EML4: variants seen among roughly 807,000 people sequenced by gnomAD.
EML4 encodes the protein echinoderm microtubule-associated protein-like 4.
A neutral mutation model predicts 129.0 loss-of-function variants in EML4; 72 were observed. The ratio of observed to expected loss-of-function variants is 0.56; its 90% confidence interval spans 0.46 to 0.68. The LOEUF is 0.68. EML4 is among the 30% of genes least tolerant of loss of function. The pLI is 0.00. For synonymous variants in EML4, 532 were observed against 405.0 expected, an observed-to-expected ratio of 1.31 and a Z score of -3.77; for missense variants, 1,363 against 1,190.6, an observed-to-expected ratio of 1.14 and a Z score of -2.13.
chr2:42,232,178 A>G (rs1674389252), intron 1 of EML4, among the ~76,000 whole-genome samples: 1 of 152,190 alleles, frequency 6.6e-6, no homozygotes, highest in South Asian at 2.1e-4. Context: ...CTGAAATTAG[A>G]TTTCGATTTG....
chr2:42,304,391 G>C (rs1422195808), intron 16 of EML4, 93 bp from the exon 17 acceptor site: 5 of 852,386 alleles, frequency 5.9e-6, no homozygotes, highest in Non-Finnish European at 1.0e-5. Context: ...TGTTATGTTT[G>C]AATGAAACAG....
At chr2:42,313,526 T>TAA (rs543511248) in intron 17 of EML4, among the ~76,000 whole-genome samples, 2 of 146,824 alleles carry the variant, frequency 1.4e-5, no homozygotes, top group Non-Finnish European at 3.0e-5. Flanking sequence ...CACTAAGCTT[T>TAA]AAAAAAAAAA....
chr2:42,251,888 T>G (rs1051281201), intron 2 of EML4, among the ~76,000 whole-genome samples: 1 of 152,236 alleles, frequency 6.6e-6, no homozygotes, highest in Non-Finnish European at 1.5e-5. Context: ...ATATATTTGT[T>G]GCTCCCACTA....
At chr2:42,221,898 C>T (rs545760058) in intron 1 of EML4, among the ~76,000 whole-genome samples, 2 of 152,156 alleles carry the variant, frequency 1.3e-5, no homozygotes, top group South Asian at 4.2e-4. Context: ...GCCACCACTC[C>T]AAGCCTAATA....
At chr2:42,319,627 C>G (rs961627295) in intron 19 of EML4, 2 of 152,192 alleles carry the variant, frequency 1.3e-5, no homozygotes, top group African/African-American at 4.8e-5. Context: ...ACAGGCAAAA[C>G]TGGGTCAACA....
intron 1 of EML4, among the ~76,000 whole-genome samples, chr2:42,217,952 G>A (rs1673303819): frequency 6.6e-6 from 1 of 152,148 alleles, no homozygotes; most frequent in Admixed American, 6.5e-5. Flanking sequence ...ATTAATTTAT[G>A]GGTCTCAGTC....
intron 1 of EML4, among the ~76,000 whole-genome samples, chr2:42,183,519 T>A (rs1240960129): frequency 1.3e-5 from 2 of 152,188 alleles, no homozygotes; most frequent in African/African-American, 4.8e-5. Flanking sequence ...ATAGCTGTCC[T>A]AGGACTACTT....
At position 42,288,240 on chromosome 2, in the gene EML4, A is replaced by G. The variant is rs770534416; in HGVS notation, c.1136A>G (p.His379Arg). 6.8e-7 allele frequency: 1 copy of G among 1,462,896 alleles called. No individual in the cohort carries two copies. The highest frequency in any genetic ancestry group is 2.4e-5 in the East Asian group (1 of 41,688). The allele number at this position is 1,462,896 out of a possible 1,614,324, so 90.6% of individuals were successfully genotyped here. A position where few individuals can be genotyped will look rare whatever the true frequency, so the allele number is the denominator to read the frequency against. Residue 379 changes from histidine to arginine, a missense_variant, in exon 11 of 23, where the codon CAT (histidine) becomes CGT (arginine). His to Arg is a conservative substitution (Grantham distance 29). Coordinates refer to ENST00000318522, the MANE Select transcript of EML4 (RefSeq NM_019063.5). ...LDFSKADSGV[H>R]LCIIDDSNEH... The stretch of plus-strand genomic sequence containing the variant: ...ACTTTTCTTTAGGATTCAGGTGTTC[A>G]TTTATGTATTATTGATGACTCCAAT...
At chr2:42,269,390 C>G (rs1201930268) in intron 6 of EML4, among the ~76,000 whole-genome samples, 2 of 152,162 alleles carry the variant, frequency 1.3e-5, no homozygotes, top group Non-Finnish European at 1.5e-5. Context: ...TTTATACATT[C>G]ATTCATTCAT....
chr2:42,201,546 A>C (rs1280855947), intron 1 of EML4, among the ~76,000 whole-genome samples: 1 of 152,188 alleles, frequency 6.6e-6, no homozygotes, highest in Non-Finnish European at 1.5e-5. Flanking sequence ...AGATGCCTGC[A>C]CTCTCATGTT....
At chr2:42,318,643 C>A (rs573144170) in intron 19 of EML4, among the ~76,000 whole-genome samples, 2 of 152,066 alleles carry the variant, frequency 1.3e-5, no homozygotes, top group South Asian at 2.1e-4. Flanking sequence ...ATGAGATATT[C>A]CACCAAAAGA....
At position 42,323,498 on chromosome 2, in the gene EML4, C is replaced by T. The variant is rs980813130; in HGVS notation, c.2155-1969C>T. On this transcript the variant is annotated intron_variant, in intron 19 of 22. Transcript: ENST00000318522. Reference sequence around the variant, plus strand: ...GGTTTAAATATGTTTATTTCCCATACAGCACTATGGTGGAGATTATGGCTC... The same window carrying T: ...GGTTTAAATATGTTTATTTCCCATATAGCACTATGGTGGAGATTATGGCTC... Among the ~76,000 whole-genome samples, 6 of 152,288 alleles carry T rather than the reference C, an allele frequency of 3.9e-5. No individual in the cohort carries two copies. In the East Asian group the frequency reaches 1.2e-3, roughly 29 times the overall value.
chr2:42,298,280 G>A lies in EML4; in HGVS notation c.1489+2764G>A, dbSNP rs903526435. Reference sequence around the variant, plus strand: ...CCTTCCAAACATCTTTATTTGGCAGGCAGTGTAAACTTGCTTTTTATGGAA... The same window carrying A: ...CCTTCCAAACATCTTTATTTGGCAGACAGTGTAAACTTGCTTTTTATGGAA... On this transcript the variant is annotated intron_variant, in intron 13 of 22. Coordinates refer to ENST00000318522, the MANE Select transcript of EML4 (RefSeq NM_019063.5). Among the ~76,000 whole-genome samples the A allele has an allele frequency of 2.0e-5, 3 of 152,192 alleles. No individual in the cohort carries two copies. The East Asian group carries it at 5.8e-4, about 29-fold the overall frequency.
intron 17 of EML4, among the ~76,000 whole-genome samples, chr2:42,307,490 A>G (rs902928198): frequency 1.3e-5 from 2 of 152,038 alleles, no homozygotes; most frequent in African/African-American, 4.8e-5. Context: ...GGTTCTGTTG[A>G]TCCTTGGGGA....
chr2:42,316,465 C>A (rs1241761890), intron 18 of EML4, among the ~76,000 whole-genome samples: 1 of 152,112 alleles, frequency 6.6e-6, no homozygotes, highest in African/African-American at 2.4e-5. Flanking sequence ...CCCTTCAAGT[C>A]CTTTAGAATC....
intron 3 of EML4, among the ~76,000 whole-genome samples, chr2:42,257,499 C>T (rs1572639281): frequency 1.3e-5 from 2 of 152,238 alleles, no homozygotes; most frequent in South Asian, 4.1e-4. Flanking sequence ...CAGTTGATGA[C>T]AAGAATGTTG....
intron 17 of EML4, among the ~76,000 whole-genome samples, chr2:42,315,161 A>C (rs975179396): frequency 1.3e-5 from 2 of 152,102 alleles, no homozygotes; most frequent in Non-Finnish European, 2.9e-5. Flanking sequence ...CCTCCTGCCT[A>C]AAATGTCTGA....
chr2:42,218,787 A>C (rs546956115), intron 1 of EML4, among the ~76,000 whole-genome samples: 8 of 152,288 alleles, frequency 5.3e-5, no homozygotes, highest in Non-Finnish European at 8.8e-5. Context: ...TTGGATTTTA[A>C]CCAGTAGTAT....
chr2:42,174,755 C>CTA (rs1287935352), intron 1 of EML4, among the ~76,000 whole-genome samples: 1 of 152,122 alleles, frequency 6.6e-6, no homozygotes, highest in African/African-American at 2.4e-5. Context: ...AATTTGCATA[C>CTA]TAACCTTGGG....
Sources: allele counts gnomAD v4.1 joint callset (sites outside exome capture counted in the v4.1 genomes callset), GRCh38; gene constraint gnomAD v4.1.1; transcripts MANE v1.5; gene names NCBI Gene and HGNC (gene_info 2026-07-23, HGNC 2026-07-21).